Variants in SH3PXD2A observed in about 807,000 individuals in gnomAD.
The protein encoded by SH3PXD2A is SH3 and PX domains 2A.
A neutral mutation model predicts 115.2 loss-of-function variants in SH3PXD2A; 32 were observed. The observed-to-expected ratio is 0.28, with a 90% CI of 0.21 to 0.37. The LOEUF (loss-of-function observed/expected upper bound fraction) is 0.37, where lower values mean the gene tolerates loss of function less well. Ranked by LOEUF, SH3PXD2A falls within the 10% of genes least tolerant of loss-of-function variation. The probability of loss-of-function intolerance (pLI) is 1.00; values close to 1 mark genes in which losing one functional copy is unlikely to be tolerated. For missense variants in SH3PXD2A, 1,328 were observed against 1,498.7 expected (o/e 0.89, Z 1.88); for synonymous variants, 610 against 629.1 (o/e 0.97, Z 0.45).
intron 6 of SH3PXD2A, among the ~76,000 whole-genome samples, chr10:103,669,387 C>T (rs1054091588): frequency 2.6e-5 from 4 of 152,150 alleles, no homozygotes; most frequent in African/African-American, 4.8e-5. Flanking sequence ...TGTCCTCCTG[C>T]CAAGAGGAAG....
In SH3PXD2A at chr10:103,760,557, G is replaced by A. The variant is rs1183189788; in HGVS notation, c.229+6537C>T. Among the ~76,000 whole-genome samples, 7 of 148,882 alleles carry A rather than the reference G, an allele frequency of 4.7e-5. 1 individual carries two copies. The highest frequency in any genetic ancestry group is 4.2e-4 in the South Asian group (2 of 4,706). On this transcript the variant is annotated intron_variant, in intron 3 of 14. Coordinates refer to ENST00000369774, the MANE Select transcript of SH3PXD2A (RefSeq NM_001394015.1). Reference sequence around the variant, plus strand: ...TGTACTCCAGCCTGGGCAACAGAGCGAGACCCTGTCTCAAAAAGATATATA... The same window carrying A: ...TGTACTCCAGCCTGGGCAACAGAGCAAGACCCTGTCTCAAAAAGATATATA...
chr10:103,790,134 C>G (rs1386843551), intron 2 of SH3PXD2A, among the ~76,000 whole-genome samples: 2 of 151,834 alleles, frequency 1.3e-5, no homozygotes, highest in African/African-American at 2.4e-5. Flanking sequence ...CTGCCCTCAT[C>G]AGCCAAAAAC....
chr10:103,641,859 T>C (rs2036960611), intron 8 of SH3PXD2A, among the ~76,000 whole-genome samples: 1 of 152,182 alleles, frequency 6.6e-6, no homozygotes, highest in Non-Finnish European at 1.5e-5. Context: ...CCCAAGGGCT[T>C]TGCCAGGCAA....
intron 8 of SH3PXD2A, among the ~76,000 whole-genome samples, chr10:103,659,212 C>T (rs1169545259): frequency 6.6e-6 from 1 of 152,212 alleles, no homozygotes; most frequent in East Asian, 1.9e-4. Context: ...AGGATGACTT[C>T]CTCTTGTGTG....
chr10:103,829,298 C>T (rs1388531268), intron 1 of SH3PXD2A, among the ~76,000 whole-genome samples: 1 of 152,194 alleles, frequency 6.6e-6, no homozygotes, highest in Non-Finnish European at 1.5e-5. Context: ...GGGAGGCACG[C>T]AGGCATCCGA....
In SH3PXD2A at chr10:103,668,653, C is replaced by A; in HGVS notation, c.428-1G>T. On this transcript the variant is annotated splice_acceptor_variant, in intron 6 of 14. Transcript: ENST00000369774. LOFTEE classifies it high-confidence loss of function. ...GACTCAGCCCAGCTGGACAGCCACA[C>A]TTCCGAGTCCCCGAGAGCAAGCGGC... 1 of 1,560,292 alleles carries A rather than the reference C, an allele frequency of 6.4e-7. No individual in the cohort carries two copies. The highest frequency in any genetic ancestry group is 8.7e-7 in the Non-Finnish European group (1 of 1,151,938).
At chr10:103,607,759 G>C (rs2036346748) in intron 13 of SH3PXD2A, among the ~76,000 whole-genome samples, 1 of 152,224 alleles carries the variant, frequency 6.6e-6, no homozygotes, top group Non-Finnish European at 1.5e-5. Context: ...TGCCGCGTCT[G>C]TGTAGAAAGA....
chr10:103,742,953 C>T (rs189899822), intron 3 of SH3PXD2A, among the ~76,000 whole-genome samples: 2,379 of 152,212 alleles, frequency 0.016, 31 homozygotes, highest in South Asian at 0.065. Flanking sequence ...CTCCCTCCCC[C>T]CCTCAAGGGT....
At position 103,855,210 on chromosome 10, in the gene SH3PXD2A, G is replaced by A. The variant is rs1220371295; in HGVS notation, c.57C>T (p.Asn19=). The A allele has an allele frequency of 6.5e-7, 1 of 1,538,484 alleles. No homozygotes were observed. The highest frequency in any genetic ancestry group is 8.8e-7 in the Non-Finnish European group (1 of 1,140,792). The part of the protein sequence containing the change: ...ATVVDVEKRR[N]PSKHYVYIIN... ...CTGTACTCACGTAGTGCTTGGAGGG[G>A]TTCCTCCGCTTCTCCACGTCCACCA... The change falls in exon 1 of 15, where the codon AAC becomes AAT. Residue 19 remains asparagine, a synonymous_variant. Coordinates refer to ENST00000369774, the MANE Select transcript of SH3PXD2A (RefSeq NM_001394015.1).
intron 2 of SH3PXD2A, among the ~76,000 whole-genome samples, chr10:103,777,445 G>C (rs1184415842): frequency 6.6e-6 from 1 of 152,260 alleles, no homozygotes; most frequent in Non-Finnish European, 1.5e-5. Flanking sequence ...CGTGGGCCAG[G>C]GTTGGGGAGG....
At chr10:103,683,304 G>A (rs1465114007) in intron 6 of SH3PXD2A, among the ~76,000 whole-genome samples, 1 of 152,158 alleles carries the variant, frequency 6.6e-6, no homozygotes, top group East Asian at 1.9e-4. Flanking sequence ...CCTGAGCTCA[G>A]GAGTTCAAGA....
intron 2 of SH3PXD2A, among the ~76,000 whole-genome samples, chr10:103,798,937 G>A (rs573425766): frequency 3.3e-5 from 5 of 152,192 alleles, no homozygotes; most frequent in Admixed American, 6.5e-5. Context: ...CAACATCCCT[G>A]CAACCTGCTA....
At chr10:103,605,561 G>T (rs1171248879) in intron 14 of SH3PXD2A, among the ~76,000 whole-genome samples, 2 of 152,166 alleles carry the variant, frequency 1.3e-5, no homozygotes, top group African/African-American at 4.8e-5. Flanking sequence ...CACATGCTCT[G>T]GGAAATGTTG....
rs942164843 is a variant in SH3PXD2A at position 103,756,337 on chromosome 10, G to A, written c.229+10757C>T. 2.6e-5 allele frequency among the ~76,000 whole-genome samples: 4 copies of A among 152,142 alleles called. No individual in the cohort carries two copies. Among genetic ancestry groups the A allele is most frequent in the South Asian group, 2.1e-4 (1 of 4,832 alleles). ...GGAGTGACCCAGGAGGGCAGTGTGC[G>A]GGATTAGGCCAGGGACACTGTGGGA... On this transcript the variant is annotated intron_variant, in intron 3 of 14. Coordinates refer to ENST00000369774, the MANE Select transcript of SH3PXD2A (RefSeq NM_001394015.1). The surrounding 1 kb of genome is among the most constrained non-coding windows in gnomAD (Gnocchi z 4.4).
chr10:103,843,426 A>G (rs7920107), intron 1 of SH3PXD2A, among the ~76,000 whole-genome samples: 132,590 of 152,210 alleles, frequency 0.87, 58,894 homozygotes, highest in East Asian at 0.99. Context: ...CCACAGTGCC[A>G]TGCTATCCAC....
At chr10:103,755,560 G>A (rs778900092) in intron 3 of SH3PXD2A, 2 of 152,188 alleles carry the variant, frequency 1.3e-5, no homozygotes, top group African/African-American at 2.4e-5. Flanking sequence ...ACAGCATGCC[G>A]AGCCTGCTGA....
chr10:103,601,628 C>G lies in SH3PXD2A; in HGVS notation c.*188G>C. ...CCTCACTCAGTGTGGGCACCCCCAT[C>G]CCCTACCTTCCAGCTGTGGGATGGC... On this transcript the variant is annotated 3_prime_UTR_variant, in exon 15 of 15. Coordinates refer to ENST00000369774, the MANE Select transcript of SH3PXD2A (RefSeq NM_001394015.1). 1 of 573,808 alleles carries G rather than the reference C, an allele frequency of 1.7e-6. No homozygotes were observed. Among genetic ancestry groups the G allele is most frequent in the Non-Finnish European group, 3.1e-6 (1 of 321,058 alleles). The allele number at this position is 573,808 out of a possible 1,614,324, so 35.5% of individuals were successfully genotyped here. A position where few individuals can be genotyped will look rare whatever the true frequency, so the allele number is the denominator to read the frequency against.
At chr10:103,741,140 C>T (rs1264947588) in intron 3 of SH3PXD2A, among the ~76,000 whole-genome samples, 2 of 152,178 alleles carry the variant, frequency 1.3e-5, no homozygotes, top group Non-Finnish European at 2.9e-5. Context: ...TCAGTGGAGC[C>T]TTCAAGGAGA....
chr10:103,690,704 A>C (rs1000083569), intron 6 of SH3PXD2A, among the ~76,000 whole-genome samples: 12 of 152,250 alleles, frequency 7.9e-5, no homozygotes, highest in African/African-American at 2.4e-4. Context: ...GCTTGACCAA[A>C]TATCTGGGCA....
Sources: gnomAD v4.1 joint callset for allele counts (sites outside exome capture counted in the v4.1 genomes callset) on GRCh38, gnomAD v4.1.1 for gene constraint, Gnocchi (gnomAD v3.1) non-coding constraint, MANE v1.5 for transcripts, NCBI Gene and HGNC (gene_info 2026-07-23, HGNC 2026-07-21) for gene names.